ZNF471: variants seen among roughly 807,000 people sequenced by gnomAD.
ZNF471 encodes zinc finger protein 471, also known as EZFIT-related protein 1.
In ZNF471, 7 loss-of-function variants were observed where a neutral mutation model predicts 13.7. That is an observed-to-expected ratio of 0.51 (90% CI 0.29 to 0.96). The LOEUF (loss-of-function observed/expected upper bound fraction) is 0.96. ZNF471 is among the 40% of genes least tolerant of loss of function. The pLI is 0.08. For missense variants in ZNF471, 663 were observed against 743.3 expected (o/e 0.89, Z 1.26); for synonymous variants, 218 against 235.6 (o/e 0.93, Z 0.68).
In ZNF471 at chr19:56,524,491, A is replaced by G; in HGVS notation, c.424A>G (p.Ser142Gly). The G allele has an allele frequency of 1.2e-6, 2 of 1,610,100 alleles. No individual in the cohort carries two copies. The highest frequency in any genetic ancestry group is 1.7e-6 in the Non-Finnish European group (2 of 1,179,042). Reference sequence around the variant, plus strand: ...GCAGATGGGAAGTCATGAGATGTTTAGCAAGAAAGAAATAATCACTCATAA... The same window carrying G: ...GCAGATGGGAAGTCATGAGATGTTTGGCAAGAAAGAAATAATCACTCATAA... ...EKQMGSHEMF[S>G]KKEIITHKET... Residue 142 changes from serine (S) to glycine (G), a missense_variant, in exon 5 of 5, where the codon AGC becomes GGC. Physicochemically the swap from Ser to Gly is moderately conservative, Grantham distance 56. Transcript: ENST00000308031. The surrounding 1 kb of genome is among the most constrained non-coding windows in gnomAD (Gnocchi z 4.8).
chr19:56,525,597 T>C lies in ZNF471; in HGVS notation c.1530T>C (p.Thr510=). ...SQLATHQRIH[T]GEKPYECIEC... The stretch of plus-strand genomic sequence containing the variant: ...TGGCTACTCATCAGAGAATTCATAC[T>C]GGAGAGAAGCCTTATGAATGTATTG... The change falls in exon 5 of 5, where the codon ACT becomes ACC. Residue 510 remains threonine, a synonymous_variant. Coordinates refer to ENST00000308031, the MANE Select transcript of ZNF471 (RefSeq NM_020813.4). 6.2e-7 allele frequency: 1 copy of C among 1,613,976 alleles called. No individual in the cohort carries two copies. The highest frequency in any genetic ancestry group is 2.2e-5 in the East Asian group (1 of 44,878).
At chr19:56,512,775 C>T (rs1161582241) in intron 2 of ZNF471, among the ~76,000 whole-genome samples, 2 of 152,146 alleles carry the variant, frequency 1.3e-5, no homozygotes, top group African/African-American at 4.8e-5. Flanking sequence ...TTCCCCTCCT[C>T]ACATTTTTTC....
In ZNF471 at chr19:56,508,246, TGTGTGTGA is replaced by T; in HGVS notation, c.-56+327_-56+334del. Reference sequence around the variant, plus strand: ...TGTGGTTTCTGTGTGTGTGTGTGTGTGTGTGTGACAGACCGAGAGTCCAGTGTGAGACC... The same window carrying T: ...TGTGGTTTCTGTGTGTGTGTGTGTGTCAGACCGAGAGTCCAGTGTGAGACC... On this transcript the variant is annotated intron_variant, in intron 1 of 4. Coordinates refer to ENST00000308031, the MANE Select transcript of ZNF471 (RefSeq NM_020813.4). The surrounding 1 kb of genome is among the most constrained non-coding windows in gnomAD (Gnocchi z 4.7). 1.1e-6 allele frequency: 1 copy of T among 913,372 alleles called. No individual in the cohort carries two copies. Among genetic ancestry groups the T allele is most frequent in the Non-Finnish European group, 1.3e-6 (1 of 770,460 alleles). The allele number at this position is 913,372 out of a possible 1,614,324, so 56.6% of individuals were successfully genotyped here.
At position 56,525,858 on chromosome 19, in the gene ZNF471, G is replaced by A; in HGVS notation, c.1791G>A (p.Arg597=). The change falls in exon 5 of 5, where the codon AGG becomes AGA. Residue 597 remains arginine, a synonymous_variant. Transcript: ENST00000308031. ...AQHQRLHTGQ[R]PYQCFECGKA... is the part of the protein sequence containing the mutation. ...ATCAAAGACTCCACACTGGCCAAAG[G>A]CCCTATCAGTGTTTTGAATGTGGGA... is the stretch of plus-strand genomic sequence containing the variant. 1.2e-6 allele frequency: 2 copies of A among 1,609,300 alleles called. No homozygotes were observed. Among genetic ancestry groups the A allele is most frequent in the East Asian group, 2.2e-5 (1 of 44,858 alleles).
At position 56,508,628 on chromosome 19, in the gene ZNF471, G is replaced by A. The variant is rs959359137; in HGVS notation, c.-56+708G>A. On this transcript the variant is annotated intron_variant, in intron 1 of 4. Transcript: ENST00000308031. This position sits in a 1 kb window ranked among gnomAD's most constrained non-coding sequence, Gnocchi z 4.7. ...ATCACCATGTATGCGAGACTAGACT[G>A]TGCAAGAACAGAGTGTGAGACTGTG... Among the ~76,000 whole-genome samples, 2 of 151,544 alleles carry A rather than the reference G, an allele frequency of 1.3e-5. No homozygotes were observed. The highest frequency in any genetic ancestry group is 2.9e-5 in the Non-Finnish European group (2 of 67,994).
chr19:56,521,652 A>AC lies in ZNF471; in HGVS notation c.257-2672_257-2671insC, dbSNP rs1555765589. On this transcript the variant is annotated intron_variant, in intron 4 of 4. Transcript: ENST00000308031. ...AGACTCTGTCTCAAAAAAAAAAAAA[A>AC]AAAAAAACTCTTCTATTGCTGGGCA... is the stretch of plus-strand genomic sequence containing the variant. 1.7e-3 allele frequency among the ~76,000 whole-genome samples: 245 copies of AC among 147,374 alleles called. 1 individual carries two copies. Among genetic ancestry groups the AC allele is most frequent in the Non-Finnish European group, 2.8e-3 (186 of 67,132 alleles).
intron 1 of ZNF471, among the ~76,000 whole-genome samples, chr19:56,511,211 A>G (rs1207509928): frequency 1.3e-5 from 2 of 151,636 alleles, no homozygotes; most frequent in Non-Finnish European, 2.9e-5. Flanking sequence ...CTCCACCTTT[A>G]CCTGTAAAAT....
chr19:56,513,273 T>C (rs2043834873), intron 2 of ZNF471, among the ~76,000 whole-genome samples: 1 of 152,220 alleles, frequency 6.6e-6, no homozygotes, highest in African/African-American at 2.4e-5. Context: ...ATGATAAAGA[T>C]GCAGTCCATT....
Position 56,510,618 on chromosome 19 carries a change from G to A in ZNF471, c.-55-899G>A. ...TGCTTGTTTTGGGGTGCTTGTGATT[G>A]TGTCCTCCGTGTGACCATGAAACCT... On this transcript the variant is annotated intron_variant, in intron 1 of 4. Coordinates refer to ENST00000308031, the MANE Select transcript of ZNF471 (RefSeq NM_020813.4). The surrounding 1 kb of genome is among the most constrained non-coding windows in gnomAD (Gnocchi z 4.3). 1.0e-6 allele frequency: 1 copy of A among 985,744 alleles called. No homozygotes were observed. The highest frequency in any genetic ancestry group is 1.2e-6 in the Non-Finnish European group (1 of 830,058). 61.1% of individuals were successfully genotyped at this position (985,744 alleles called of 1,614,324 possible).
intron 1 of ZNF471, 132 bp from the exon 2 acceptor site, chr19:56,511,385 A>G: frequency 1.6e-6 from 1 of 616,286 alleles, no homozygotes; most frequent in Non-Finnish European, 2.7e-6. Flanking sequence ...TTAGCCCTTC[A>G]GTGGCCATAG....
intron 2 of ZNF471, among the ~76,000 whole-genome samples, chr19:56,515,260 T>C (rs1180785287): frequency 6.6e-6 from 1 of 152,178 alleles, no homozygotes; most frequent in Non-Finnish European, 1.5e-5. Flanking sequence ...TTATCCTAAA[T>C]ATTGGAAAGA....
chr19:56,510,399 G>A lies in ZNF471; in HGVS notation c.-55-1118G>A, dbSNP rs1360696539. The A allele has an allele frequency of 1.0e-5, 10 of 985,358 alleles. No homozygotes were observed. In the African/African-American group the frequency reaches 1.7e-4, roughly 17 times the overall value. The allele number at this position is 985,358 out of a possible 1,614,324, so 61.0% of individuals were successfully genotyped here. Reference sequence around the variant, plus strand: ...AAAGAAACTATGTGAACCATGGTGTGTTATCCAAAAGGCTTTACAAATATA... The same window carrying A: ...AAAGAAACTATGTGAACCATGGTGTATTATCCAAAAGGCTTTACAAATATA... On this transcript the variant is annotated intron_variant, in intron 1 of 4. Transcript: ENST00000308031. The surrounding 1 kb of genome is among the most constrained non-coding windows in gnomAD (Gnocchi z 4.3).
Position 56,510,918 on chromosome 19 carries a change from A to T in ZNF471, c.-55-599A>T. On this transcript the variant is annotated intron_variant, in intron 1 of 4. Transcript: ENST00000308031. This position sits in a 1 kb window ranked among gnomAD's most constrained non-coding sequence, Gnocchi z 4.3. ...ACAGGAGGGTAATTAAGGGGCTGGG[A>T]CAGAGGTGAGAGTGAAAGTGGCAGA... 1.0e-6 allele frequency: 1 copy of T among 985,560 alleles called. No homozygotes were observed. Among genetic ancestry groups the T allele is most frequent in the Non-Finnish European group, 1.2e-6 (1 of 830,018 alleles). The allele number at this position is 985,560 out of a possible 1,614,324, so 61.1% of individuals were successfully genotyped here.
chr19:56,518,793 A>G (rs1156482247), intron 4 of ZNF471, among the ~76,000 whole-genome samples: 1 of 152,202 alleles, frequency 6.6e-6, no homozygotes, highest in Non-Finnish European at 1.5e-5. Context: ...TGTAGAGATT[A>G]GAGAATCTTA....
At chr19:56,511,077 G>A (rs2043803781) in intron 1 of ZNF471, 1 of 931,474 alleles carries the variant, frequency 1.1e-6, no homozygotes, top group South Asian at 5.0e-5. Flanking sequence ...TTGGGAGTCA[G>A]ATTTTCCTTT....
chr19:56,521,272 T>C (rs1266612886), intron 4 of ZNF471, among the ~76,000 whole-genome samples: 1 of 152,142 alleles, frequency 6.6e-6, no homozygotes, highest in African/African-American at 2.4e-5. Context: ...AATGTATCTA[T>C]CCATTATGGA....
Position 56,524,460 on chromosome 19 carries a change from T to A in ZNF471, c.393T>A (p.Phe131Leu), listed in dbSNP as rs1458833429. The change falls in exon 5 of 5, where the codon TTT becomes TTA. Residue 131 changes from phenylalanine to leucine, a missense_variant. Phe to Leu is a conservative substitution (Grantham distance 22). Transcript: ENST00000308031. The surrounding 1 kb of genome is among the most constrained non-coding windows in gnomAD (Gnocchi z 4.8). ...AAAATTGGAAATGGGAAGACCTTTTTGAGAAGCAGATGGGAAGTCATGAGA... is the reference window on the plus strand; with the variant it reads ...AAAATTGGAAATGGGAAGACCTTTTAGAGAAGCAGATGGGAAGTCATGAGA... The part of the protein sequence containing the change: ...FEENWKWEDL[F>L]EKQMGSHEMF... 3 of 1,613,848 alleles carry A rather than the reference T, an allele frequency of 1.9e-6. No homozygotes were observed. The highest frequency in any genetic ancestry group is 1.7e-6 in the Non-Finnish European group (2 of 1,179,926).
chr19:56,512,063 T>C (rs2043819326), intron 2 of ZNF471, among the ~76,000 whole-genome samples: 1 of 152,014 alleles, frequency 6.6e-6, no homozygotes, highest in Non-Finnish European at 1.5e-5. Context: ...TAAGTATGAA[T>C]TACCAACCTC....
Position 56,525,287 on chromosome 19 carries a change from T to C in ZNF471, c.1220T>C (p.Val407Ala), listed in dbSNP as rs2044029704. 8.1e-6 allele frequency: 13 copies of C among 1,611,412 alleles called. No homozygotes were observed. The highest frequency in any genetic ancestry group is 1.1e-5 in the Non-Finnish European group (13 of 1,178,352). The change falls in exon 5 of 5, where the codon GTG (valine) becomes GCG (alanine). Residue 407 changes from valine to alanine, a missense_variant. Transcript: ENST00000308031. The part of the protein sequence containing the change: ...HTGEKPYKCG[V>A]CGKTFSSGSS... ...GGAGAGAAACCTTACAAATGTGGTG[T>C]GTGTGGAAAAACCTTCAGCTCGGGT...
Sources: allele counts gnomAD v4.1 joint callset (sites outside exome capture counted in the v4.1 genomes callset), GRCh38; gene constraint gnomAD v4.1.1; non-coding constraint Gnocchi (gnomAD v3.1); transcripts MANE v1.5; gene names NCBI Gene and HGNC (gene_info 2026-07-23, HGNC 2026-07-21).